SCAPER: variants seen among roughly 807,000 people sequenced by gnomAD.
SCAPER encodes S-phase cyclin A associated protein in the ER, also known as S phase cyclin A-associated protein in the endoplasmic reticulum.
In SCAPER, 98 loss-of-function variants were observed where a neutral mutation model predicts 182.2. The ratio of observed to expected loss-of-function variants is 0.54; its 90% CI spans 0.46 to 0.64. The LOEUF (loss-of-function observed/expected upper bound fraction) is 0.64. Ranked by LOEUF, SCAPER falls within the 30% of genes least tolerant of loss-of-function variation. The pLI is 0.00. For missense variants in SCAPER, 1,432 were observed against 1,690.0 expected (o/e 0.85, Z 2.68); for synonymous variants, 605 against 564.6 (o/e 1.07, Z -1.01).
At chr15:76,651,930 A>T (rs1055202342) in intron 21 of SCAPER, among the ~76,000 whole-genome samples, 9 of 151,954 alleles carry the variant, frequency 5.9e-5, no homozygotes, top group Admixed American at 1.3e-4. Context: ...CACACCACAA[A>T]TCAAGTAAGC....
chr15:76,657,588 CAA>C (rs35243291), intron 21 of SCAPER, among the ~76,000 whole-genome samples: 1 of 129,838 alleles, frequency 7.7e-6, no homozygotes. Context: ...GACACAACAA[CAA>C]AAAAAAAAAA....
chr15:76,714,755 C>A (rs900288704), intron 17 of SCAPER, among the ~76,000 whole-genome samples: 1 of 152,066 alleles, frequency 6.6e-6, no homozygotes, highest in Non-Finnish European at 1.5e-5. Context: ...ATGGCTTACT[C>A]CTCAGGTTAA....
At chr15:76,561,298 G>A (rs889477331) in intron 23 of SCAPER, among the ~76,000 whole-genome samples, 18 of 152,036 alleles carry the variant, frequency 1.2e-4, no homozygotes, top group African/African-American at 4.3e-4. Context: ...AATAATTAAT[G>A]GTCCTACTTC....
At chr15:76,780,534 A>G (rs942466487) in intron 8 of SCAPER, among the ~76,000 whole-genome samples, 10 of 152,232 alleles carry the variant, frequency 6.6e-5, no homozygotes, top group Non-Finnish European at 1.3e-4. Context: ...TGGTTCTCCC[A>G]GCATGGCATT....
At chr15:76,612,423 G>T (rs2051088258) in intron 22 of SCAPER, among the ~76,000 whole-genome samples, 1 of 152,090 alleles carries the variant, frequency 6.6e-6, no homozygotes, top group South Asian at 2.1e-4. Flanking sequence ...ATTTTTAGTA[G>T]AGAAAGGGTT....
At chr15:76,476,176 T>C (rs1380357042) in intron 24 of SCAPER, among the ~76,000 whole-genome samples, 1 of 152,220 alleles carries the variant, frequency 6.6e-6, no homozygotes. Context: ...TCCAGCTTCC[T>C]GGGCATCAAA....
At chr15:76,551,275 A>G (rs2045747986) in intron 23 of SCAPER, among the ~76,000 whole-genome samples, 1 of 152,318 alleles carries the variant, frequency 6.6e-6, no homozygotes, top group African/African-American at 2.4e-5. Context: ...TTATTGCAGT[A>G]CTATTCAAAA....
intron 25 of SCAPER, among the ~76,000 whole-genome samples, chr15:76,443,791 G>A (rs2047789948): frequency 6.6e-6 from 1 of 152,198 alleles, no homozygotes; most frequent in Admixed American, 6.5e-5. Context: ...TTTAAACAAG[G>A]GGGATTAAGA....
chr15:76,699,104 A>G (rs2058795639), intron 20 of SCAPER, among the ~76,000 whole-genome samples: 1 of 152,100 alleles, frequency 6.6e-6, no homozygotes, highest in Non-Finnish European at 1.5e-5. Flanking sequence ...TGATTTTTCT[A>G]CATTCATTTT....
intron 5 of SCAPER, among the ~76,000 whole-genome samples, chr15:76,814,931 C>T (rs2066942609): frequency 6.6e-6 from 1 of 151,534 alleles, no homozygotes. Flanking sequence ...AAACAAATAA[C>T]AGATTTAAAA....
chr15:76,513,070 G>A (rs1404838928), intron 23 of SCAPER, among the ~76,000 whole-genome samples: 1 of 152,072 alleles, frequency 6.6e-6, no homozygotes, highest in Non-Finnish European at 1.5e-5. Context: ...CCCACATCAA[G>A]CCCTATTCAT....
chr15:76,854,803 C>CAAAAAAAAAA (rs35484908), intron 4 of SCAPER, among the ~76,000 whole-genome samples: 1 of 118,376 alleles, frequency 8.4e-6, no homozygotes, highest in East Asian at 2.4e-4. Flanking sequence ...ACTAAAAATA[C>CAAAAAAAAAA]AAAAAAAAAA....
At chr15:76,886,233 A>T (rs2073832032) in intron 1 of SCAPER, among the ~76,000 whole-genome samples, 1 of 152,212 alleles carries the variant, frequency 6.6e-6, no homozygotes, top group Non-Finnish European at 1.5e-5. Flanking sequence ...TAATCCCACC[A>T]CACTGGGAGG....
intron 8 of SCAPER, among the ~76,000 whole-genome samples, chr15:76,778,789 C>G (rs2063907374): frequency 6.6e-6 from 1 of 151,848 alleles, no homozygotes; most frequent in South Asian, 2.1e-4. Context: ...CTTACAAAAC[C>G]AGTACATAAG....
chr15:76,625,472 T>C (rs1399812431), intron 21 of SCAPER, among the ~76,000 whole-genome samples: 1 of 152,148 alleles, frequency 6.6e-6, no homozygotes, highest in Non-Finnish European at 1.5e-5. Flanking sequence ...GTAGGGTCTT[T>C]GACAATGGCT....
At chr15:76,898,359 G>A (rs1486417592) in intron 1 of SCAPER, among the ~76,000 whole-genome samples, 1 of 152,110 alleles carries the variant, frequency 6.6e-6, no homozygotes, top group Non-Finnish European at 1.5e-5. Flanking sequence ...AAAAGTAAAA[G>A]ATAAGTCACT....
Position 76,665,676 on chromosome 15 carries a change from C to T in SCAPER, c.2622G>A (p.Lys874=), listed in dbSNP as rs755498233. 2.3e-5 allele frequency: 37 copies of T among 1,591,694 alleles called. No homozygotes were observed. In the South Asian group the frequency reaches 3.8e-4, roughly 16 times the overall value. ...ACCTGAAGTTCATCCGGGCTTTTAT[C>T]TTTTTGGCTTTTTTTTTATTTTTTT... ...ERQKNKKKAK[K]IKARMNFRAK... is the part of the protein sequence containing the mutation. Residue 874 remains lysine, a synonymous_variant, in exon 21 of 32, where the codon AAG becomes AAA. Transcript: ENST00000563290.
At chr15:76,456,630 A>T (rs977387933) in intron 25 of SCAPER, among the ~76,000 whole-genome samples, 2 of 152,226 alleles carry the variant, frequency 1.3e-5, no homozygotes, top group Admixed American at 6.5e-5. Context: ...GGTATTGTTC[A>T]TATCATGTAT....
rs148510302 is a variant in SCAPER at position 76,695,045 on chromosome 15, A to G, written c.2508+6713T>C. On this transcript the variant is annotated intron_variant, in intron 20 of 31. Transcript: ENST00000563290. ...AAAGGACCTTCTTTAAGATATTTAT[A>G]AAAACCTATAAATTGATCAAATTAA... Among the ~76,000 whole-genome samples, 13 of 152,326 alleles carry G rather than the reference A, an allele frequency of 8.5e-5. No homozygotes were observed. The East Asian group carries it at 2.5e-3, about 29-fold the overall frequency.
Sources: gnomAD v4.1 joint callset for allele counts (sites outside exome capture counted in the v4.1 genomes callset) on GRCh38, gnomAD v4.1.1 for gene constraint, MANE v1.5 for transcripts, NCBI Gene and HGNC (gene_info 2026-07-23, HGNC 2026-07-21) for gene names.